GALNT3: variants seen among roughly 807,000 people sequenced by gnomAD.
GALNT3 encodes the protein polypeptide N-acetylgalactosaminyltransferase 3, also known as GalNAc transferase 3.
In GALNT3, 51 loss-of-function variants were observed where a neutral mutation model predicts 69.8. The ratio of observed to expected loss-of-function variants is 0.73; its 90% CI spans 0.58 to 0.92. The LOEUF (loss-of-function observed/expected upper bound fraction) is 0.92. GALNT3 is among the 40% of genes least tolerant of loss of function. The probability of loss-of-function intolerance (pLI) is 0.00; values close to 1 mark genes in which losing one functional copy is unlikely to be tolerated. For synonymous variants in GALNT3, 265 were observed against 248.5 expected, an observed-to-expected ratio of 1.07 and a Z score of -0.63; for missense variants, 711 against 760.0, an observed-to-expected ratio of 0.94 and a Z score of 0.76.
chr2:165,759,842 G>A (rs1318258846), intron 4 of GALNT3, among the ~76,000 whole-genome samples: 2 of 151,948 alleles, frequency 1.3e-5, no homozygotes, highest in Non-Finnish European at 2.9e-5. Flanking sequence ...TCACCTTATC[G>A]GCTTATGGAG....
At position 165,749,861 on chromosome 2, in the gene GALNT3, G is replaced by A; in HGVS notation, c.1660C>T (p.His554Tyr). ...FEYSAQHEIR[H>Y]NIQKELCLHA... ...AGACATAATTCCTTCTGGATGTTGT[G>A]CCGAATTTCATGTTGAGCAGAGTAT... is the stretch of plus-strand genomic sequence containing the variant. The change falls in exon 10 of 11, where the codon CAC becomes TAC. Residue 554 changes from histidine (H) to tyrosine (Y), a missense_variant. His to Tyr is a moderately conservative substitution (Grantham distance 83). Transcript: ENST00000392701. 1.9e-6 allele frequency: 3 copies of A among 1,613,578 alleles called. No individual in the cohort carries two copies. The highest frequency in any genetic ancestry group is 2.5e-6 in the Non-Finnish European group (3 of 1,179,620).
chr2:165,759,109 T>C (rs1688497388), intron 5 of GALNT3, among the ~76,000 whole-genome samples: 1 of 152,212 alleles, frequency 6.6e-6, no homozygotes, highest in African/African-American at 2.4e-5. Context: ...GATTTTTAAG[T>C]AATGATTGAT....
In GALNT3 at chr2:165,754,695, C is replaced by T. The variant is rs556568680; in HGVS notation, c.1558G>A (p.Val520Ile). The T allele has an allele frequency of 3.7e-6, 6 of 1,613,554 alleles. No individual in the cohort carries two copies. The Admixed American group carries it at 5.0e-5, about 13-fold the overall frequency. ...TTGCCTCCTTGATTGTTTTCTCCAA[C>T]ATCCAGACATAGAGGCTGACCAACG... ...KSVGQPLCLD[V>I]GENNQGGKPL... The change falls in exon 9 of 11, where the codon GTT becomes ATT. Residue 520 changes from valine to isoleucine, a missense_variant. By Grantham distance (29) the Val-to-Ile change is conservative (BLOSUM62 3). Coordinates refer to ENST00000392701, the MANE Select transcript of GALNT3 (RefSeq NM_004482.4).
At chr2:165,792,516 C>T in intron 1 of GALNT3, among the ~76,000 whole-genome samples, 1 of 152,142 alleles carries the variant, frequency 6.6e-6, no homozygotes, top group East Asian at 1.9e-4. Flanking sequence ...TCATGTTATG[C>T]TGTGGTTGGC....
chr2:165,787,222 C>T (rs1286303020), intron 1 of GALNT3, among the ~76,000 whole-genome samples: 3 of 152,200 alleles, frequency 2.0e-5, no homozygotes, highest in African/African-American at 7.2e-5. Context: ...AATTTGAAGA[C>T]TGCATGTTAA....
intron 4 of GALNT3, among the ~76,000 whole-genome samples, chr2:165,760,509 C>T (rs1688526460): frequency 6.6e-6 from 1 of 152,212 alleles, no homozygotes; most frequent in South Asian, 2.1e-4. Flanking sequence ...CATATCCACC[C>T]AGTGGGTAGT....
intron 9 of GALNT3, among the ~76,000 whole-genome samples, chr2:165,751,330 C>G (rs1688354256): frequency 6.6e-6 from 1 of 152,080 alleles, no homozygotes; most frequent in Non-Finnish European, 1.5e-5. Flanking sequence ...TTGAGTTTCC[C>G]TACTCTTAGT....
At position 165,748,642 on chromosome 2, in the gene GALNT3, A is replaced by G. The variant is rs1688301663; in HGVS notation, c.*139T>C. ...AGAATTTCTGTAGTAGTGCTACATA[A>G]AGATATAAATAAGAAAAATGCACTT... On this transcript the variant is annotated 3_prime_UTR_variant, in exon 11 of 11. Coordinates refer to ENST00000392701, the MANE Select transcript of GALNT3 (RefSeq NM_004482.4). 4.0e-6 allele frequency: 3 copies of G among 756,146 alleles called. No homozygotes were observed. The East Asian group carries it at 8.1e-5, about 20-fold the overall frequency. 46.8% of individuals were successfully genotyped at this position (756,146 alleles called of 1,614,324 possible). A position where few individuals can be genotyped will look rare whatever the true frequency, so the allele number is the denominator to read the frequency against.
intron 4 of GALNT3, chr2:165,761,682 A>T: frequency 1.4e-6 from 1 of 708,718 alleles, no homozygotes; most frequent in South Asian, 1.5e-5. Flanking sequence ...ACTGAAGTTG[A>T]GGAAACTTAA....
chr2:165,766,738 G>C (rs1688650303), intron 2 of GALNT3, among the ~76,000 whole-genome samples: 1 of 71,206 alleles, frequency 1.4e-5, no homozygotes, highest in Non-Finnish European at 4.2e-5. Context: ...TGTGATATTA[G>C]GGGCCTGAGA....
chr2:165,792,909 T>G (rs890677187), intron 1 of GALNT3, among the ~76,000 whole-genome samples: 4 of 152,220 alleles, frequency 2.6e-5, no homozygotes, highest in Non-Finnish European at 5.9e-5. Flanking sequence ...ATTTTCTAAT[T>G]AAAATGCTGT....
intron 1 of GALNT3, among the ~76,000 whole-genome samples, chr2:165,785,262 A>G (rs1683196739): frequency 6.6e-6 from 1 of 152,216 alleles, no homozygotes; most frequent in Admixed American, 6.5e-5. Context: ...TGCAAAGTAA[A>G]AAACAAGGCC....
rs1330621289 is a variant in GALNT3, at chr2:165,757,194, A to G, written c.1245T>C (p.His415=). ...LEIMPCSVVG[H]VFRSKSPHSF... is the part of the protein sequence containing the mutation. ...TATGAGGGCTTTTGCTGCGAAAAAC[A>G]TGTCCAACAACAGAGCAAGGCATAA... Residue 415 remains histidine, a synonymous_variant, in exon 7 of 11, where the codon CAT becomes CAC. Transcript: ENST00000392701. 6.2e-7 allele frequency: 1 copy of G among 1,614,126 alleles called. No homozygotes were observed. Among genetic ancestry groups the G allele is most frequent in the East Asian group, 2.2e-5 (1 of 44,876 alleles).
intron 1 of GALNT3, among the ~76,000 whole-genome samples, chr2:165,781,271 A>G (rs1683101513): frequency 6.6e-6 from 1 of 152,158 alleles, no homozygotes; most frequent in African/African-American, 2.4e-5. Flanking sequence ...TTGAGGTAGC[A>G]TATTCAAATG....
chr2:165,758,498 G>A (rs1223153154), intron 6 of GALNT3: 2 of 324,016 alleles, frequency 6.2e-6, no homozygotes, highest in East Asian at 1.2e-4. Flanking sequence ...AGCTACAAGT[G>A]CATTAATTGG....
At chr2:165,755,657 C>T (rs1250704934) in intron 7 of GALNT3, among the ~76,000 whole-genome samples, 4 of 152,084 alleles carry the variant, frequency 2.6e-5, no homozygotes, top group Admixed American at 6.5e-5. Context: ...TTCATTTTAA[C>T]GTACTAAGAA....
At chr2:165,752,200 TG>T (rs1688367747) in intron 9 of GALNT3, among the ~76,000 whole-genome samples, 1 of 152,174 alleles carries the variant, frequency 6.6e-6, no homozygotes, top group South Asian at 2.1e-4. Context: ...TATCTGCCTC[TG>T]GGCCTCCACT....
intron 1 of GALNT3, among the ~76,000 whole-genome samples, chr2:165,792,144 A>C (rs1202490313): frequency 2.0e-5 from 3 of 152,172 alleles, no homozygotes; most frequent in Non-Finnish European, 4.4e-5. Flanking sequence ...GAATCTCCAA[A>C]GTGAGAAAGG....
intron 1 of GALNT3, among the ~76,000 whole-genome samples, chr2:165,792,768 C>T (rs1365741706): frequency 2.0e-5 from 3 of 151,904 alleles, no homozygotes; most frequent in African/African-American, 7.3e-5. Context: ...CACTAGATTT[C>T]AGATATTAAA....
Sources: gnomAD v4.1 joint callset for allele counts (sites outside exome capture counted in the v4.1 genomes callset) on GRCh38, gnomAD v4.1.1 for gene constraint, MANE v1.5 for transcripts, NCBI Gene and HGNC (gene_info 2026-07-23, HGNC 2026-07-21) for gene names.